PTK7: variants seen among roughly 807,000 people sequenced by gnomAD.
PTK7 encodes the protein inactive tyrosine-protein kinase 7.
Under a neutral mutation model 116.6 loss-of-function variants are expected in PTK7, and 39 were observed. The ratio of observed to expected loss-of-function variants is 0.33; its 90% CI spans 0.26 to 0.44. PTK7 has a LOEUF of 0.44. Among genes scored for constraint, PTK7 ranks in the 20% least tolerant of loss-of-function variants. The probability of loss-of-function intolerance (pLI) is 1.00; values close to 1 mark genes in which losing one functional copy is unlikely to be tolerated. For synonymous variants in PTK7, 546 were observed against 563.6 expected (o/e 0.97, Z 0.44); for missense variants, 1,169 against 1,425.6 (o/e 0.82, Z 2.90).
intron 16 of PTK7, 62 bp from the exon 17 acceptor site, chr6:43,146,556 C>G: frequency 6.6e-7 from 1 of 1,519,318 alleles, no homozygotes; most frequent in Non-Finnish European, 9.1e-7. Context: ...CCTGCTTGGT[C>G]TGAGGCTTTA....
chr6:43,107,724 A>G (rs1182109294), intron 1 of PTK7, among the ~76,000 whole-genome samples: 2 of 152,212 alleles, frequency 1.3e-5, no homozygotes, highest in Non-Finnish European at 2.9e-5. Context: ...GCCTACCAGG[A>G]TCCCATATTG....
At chr6:43,124,686 C>G (rs1769176289) in intron 1 of PTK7, among the ~76,000 whole-genome samples, 1 of 151,960 alleles carries the variant, frequency 6.6e-6, no homozygotes, top group Non-Finnish European at 1.5e-5. Context: ...AAAAATAGCC[C>G]AACAACAAAC....
intron 1 of PTK7, among the ~76,000 whole-genome samples, chr6:43,127,416 GC>G (rs1281936510): frequency 1.3e-5 from 2 of 152,192 alleles, no homozygotes; most frequent in Non-Finnish European, 2.9e-5. Context: ...TCTGCCCTCC[GC>G]CTCCCTAAAC....
chr6:43,144,544 G>T lies in PTK7; in HGVS notation c.2345G>T (p.Arg782Leu), dbSNP rs746367585. 6.5e-5 allele frequency: 105 copies of T among 1,614,026 alleles called. No individual in the cohort carries two copies. In the East Asian group the frequency reaches 7.6e-4, roughly 12 times the overall value. The change falls in exon 15 of 20, where the codon CGC becomes CTC. Residue 782 changes from arginine (R) to leucine (L), a missense_variant. By Grantham distance (102) the Arg-to-Leu change is moderately radical (BLOSUM62 -2). Transcript: ENST00000230419. ...TCCGGCCCCGCGGCCACCAACAAAC[G>T]CCACAGCACAAGTGATAAGATGCAC... ...LGSGPAATNKRHSTSDKMHFP... is the reference protein window; with the variant it reads ...LGSGPAATNKLHSTSDKMHFP...
intron 1 of PTK7, among the ~76,000 whole-genome samples, chr6:43,110,802 A>G (rs1768154408): frequency 6.6e-6 from 1 of 152,164 alleles, no homozygotes; most frequent in Non-Finnish European, 1.5e-5. Flanking sequence ...CATTTGTCTG[A>G]CTTGTCATTG....
chr6:43,138,344 C>G (rs1293137440), intron 7 of PTK7, among the ~76,000 whole-genome samples: 1 of 152,080 alleles, frequency 6.6e-6, no homozygotes, highest in African/African-American at 2.4e-5. Context: ...ATAATGTTAA[C>G]TAAGTTAATT....
chr6:43,096,875 G>A (rs1170647193), intron 1 of PTK7, among the ~76,000 whole-genome samples: 1 of 141,230 alleles, frequency 7.1e-6, no homozygotes, highest in Non-Finnish European at 1.5e-5. Flanking sequence ...AAGTAGTGAA[G>A]GGTGAGTGAT....
intron 1 of PTK7, among the ~76,000 whole-genome samples, chr6:43,101,164 G>T (rs1767553446): frequency 6.6e-6 from 1 of 151,240 alleles, no homozygotes; most frequent in Admixed American, 6.6e-5. Context: ...GCTGTGAGCT[G>T]AGATCGCACC....
At chr6:43,079,381 G>A (rs1158390454) in intron 1 of PTK7, among the ~76,000 whole-genome samples, 1 of 152,014 alleles carries the variant, frequency 6.6e-6, no homozygotes, top group Non-Finnish European at 1.5e-5. Flanking sequence ...ACAGGAGAAT[G>A]GCCTGAACCC....
At chr6:43,115,927 CAAAAAAAAAAA>C (rs886959744) in intron 1 of PTK7, among the ~76,000 whole-genome samples, 1 of 27,324 alleles carries the variant, frequency 3.7e-5, no homozygotes, top group Non-Finnish European at 7.4e-5. Context: ...GACTCCATCT[CAAAAAAAAAAA>C]AAAAAAAAAG....
At chr6:43,109,348 A>T (rs1393675506) in intron 1 of PTK7, among the ~76,000 whole-genome samples, 1 of 151,476 alleles carries the variant, frequency 6.6e-6, no homozygotes, top group Non-Finnish European at 1.5e-5. Context: ...GCAGGCCTTG[A>T]ATCTTTTTTT....
chr6:43,137,516 G>C (rs1770109945), intron 7 of PTK7, among the ~76,000 whole-genome samples: 1 of 152,212 alleles, frequency 6.6e-6, no homozygotes, highest in African/African-American at 2.4e-5. Flanking sequence ...CACACGTAAA[G>C]TTTGAGATGC....
intron 1 of PTK7, among the ~76,000 whole-genome samples, chr6:43,113,752 T>C (rs1238146854): frequency 1.3e-5 from 2 of 152,222 alleles, no homozygotes; most frequent in East Asian, 3.8e-4. Context: ...CAGACCATTT[T>C]AGATGTCAGG....
intron 1 of PTK7, among the ~76,000 whole-genome samples, chr6:43,110,418 GTT>G (rs1768135192): frequency 6.6e-6 from 1 of 150,540 alleles, no homozygotes; most frequent in East Asian, 2.0e-4. Flanking sequence ...TTTTGTTTTT[GTT>G]TTTGTTTTTG....
In PTK7 at chr6:43,132,414, C is replaced by A. The variant is rs1247294633; in HGVS notation, c.962-7C>A. The A allele has an allele frequency of 4.5e-6, 7 of 1,563,528 alleles. No homozygotes were observed. The Admixed American group carries it at 1.2e-4, about 28-fold the overall frequency. ...TTGGGCCATTCCTCCTACTTATGTC[C>A]TTGCAGAGATTGAAGACATGCCGCT... On this transcript the variant is annotated splice_polypyrimidine_tract_variant and splice_region_variant and intron_variant, in intron 6 of 19. Transcript: ENST00000230419.
At chr6:43,088,725 A>G (rs1011763376) in intron 1 of PTK7, among the ~76,000 whole-genome samples, 3 of 151,938 alleles carry the variant, frequency 2.0e-5, no homozygotes, top group African/African-American at 7.3e-5. Flanking sequence ...AAATAAATAA[A>G]TAAATAAAGA....
Position 43,131,998 on chromosome 6 carries a change from G to A in PTK7, c.813-18G>A. On this transcript the variant is annotated intron_variant, in intron 5 of 19. Transcript: ENST00000230419. ...GCCTATTGGCCACTTTCTCCAAATT[G>A]CACTCTCCCCTCTGCAGCCCCCCAC... The A allele has an allele frequency of 3.1e-6, 5 of 1,613,570 alleles. No individual in the cohort carries two copies. Among genetic ancestry groups the A allele is most frequent in the Non-Finnish European group, 4.2e-6 (5 of 1,179,952 alleles).
At chr6:43,133,897 A>G (rs902711461) in intron 7 of PTK7, among the ~76,000 whole-genome samples, 1 of 152,196 alleles carries the variant, frequency 6.6e-6, no homozygotes, top group Non-Finnish European at 1.5e-5. Context: ...ATGCACCTAT[A>G]CTCAGGCCGT....
At position 43,143,628 on chromosome 6, in the gene PTK7, G is replaced by C; in HGVS notation, c.2251+8G>C. 1 of 1,608,846 alleles carries C rather than the reference G, an allele frequency of 6.2e-7. No homozygotes were observed. Among genetic ancestry groups the C allele is most frequent in the East Asian group, 2.2e-5 (1 of 44,800 alleles). On this transcript the variant is annotated splice_region_variant and intron_variant, in intron 14 of 19. Coordinates refer to ENST00000230419, the MANE Select transcript of PTK7 (RefSeq NM_002821.5). This position sits in a 1 kb window ranked among gnomAD's most constrained non-coding sequence, Gnocchi z 4.2. The stretch of plus-strand genomic sequence containing the variant: ...AGATGGAATGCCTCAACGGTGAGGG[G>C]CCCTGGACGGGGAGGTGGTGCCCGT...
Sources: allele counts gnomAD v4.1 joint callset (sites outside exome capture counted in the v4.1 genomes callset), GRCh38; gene constraint gnomAD v4.1.1; non-coding constraint Gnocchi (gnomAD v3.1); transcripts MANE v1.5; gene names NCBI Gene and HGNC (gene_info 2026-07-23, HGNC 2026-07-21).